Variants in SNTG2 observed in about 807,000 individuals in gnomAD.
The protein encoded by SNTG2 is gamma-2-syntrophin.
SNTG2 carries 74 observed loss-of-function variants against 70.9 expected under a neutral mutation model. The ratio of observed to expected loss-of-function variants is 1.04; its 90% CI spans 0.86 to 1.27. SNTG2 has a LOEUF of 1.27. Among genes scored for constraint, SNTG2 ranks in the 50% most tolerant of loss-of-function variants. SNTG2 has a pLI of 0.00. For missense variants in SNTG2, 717 were observed against 690.7 expected (o/e 1.04, Z -0.43); for synonymous variants, 278 against 273.8 (o/e 1.02, Z -0.15).
rs577577821 is a variant in SNTG2, at chr2:1,045,950, G to C, written c.73-37568G>C. The stretch of plus-strand genomic sequence containing the variant: ...GTTAGTATTCTGCCTCATTGATCTA[G>C]TACTGTCAGTGGGGTGTTGAAATAT... On this transcript the variant is annotated intron_variant, in intron 1 of 16. Coordinates refer to ENST00000308624, the MANE Select transcript of SNTG2 (RefSeq NM_018968.4). 3.3e-5 allele frequency among the ~76,000 whole-genome samples: 5 copies of C among 152,170 alleles called. No homozygotes were observed. The South Asian group carries it at 1.0e-3, about 32-fold the overall frequency.
intron 1 of SNTG2, among the ~76,000 whole-genome samples, chr2:952,185 C>T (rs1378223857): frequency 6.6e-6 from 1 of 152,126 alleles, no homozygotes; most frequent in Non-Finnish European, 1.5e-5. Context: ...ATAGCTATCC[C>T]ACTGTTGCCC....
In SNTG2 at chr2:1,189,108, G is replaced by GT. The variant is rs371009041; in HGVS notation, c.591+15926dup. On this transcript the variant is annotated intron_variant, in intron 8 of 16. Transcript: ENST00000308624. Reference sequence around the variant, plus strand: ...GTGGATATAATGAGAGATCAACAATGTGACAGCATATAAGATAACATAAAA... The same window carrying GT: ...GTGGATATAATGAGAGATCAACAATGTTGACAGCATATAAGATAACATAAAA... Among the ~76,000 whole-genome samples the GT allele has an allele frequency of 2.1e-3, 325 of 152,154 alleles. 2 individuals are homozygous for GT. The highest frequency in any genetic ancestry group is 7.6e-3 in the African/African-American group (317 of 41,534).
chr2:1,145,107 A>G (rs1037792652), intron 6 of SNTG2, among the ~76,000 whole-genome samples: 1 of 152,096 alleles, frequency 6.6e-6, no homozygotes, highest in African/African-American at 2.4e-5. Flanking sequence ...GAAAGCATAT[A>G]TTAGAAGAAA....
At chr2:1,347,529 G>A (rs192014779) in intron 16 of SNTG2, among the ~76,000 whole-genome samples, 1 of 152,188 alleles carries the variant, frequency 6.6e-6, no homozygotes, top group African/African-American at 2.4e-5. Context: ...CTCACTCCCT[G>A]TTCCTCTCTG....
intron 9 of SNTG2, among the ~76,000 whole-genome samples, chr2:1,222,550 A>G: frequency 1.1e-5 from 1 of 90,976 alleles, no homozygotes; most frequent in African/African-American, 4.9e-5. Flanking sequence ...GGATCGCTGT[A>G]GAGGAAAGCG....
In SNTG2 at chr2:1,002,884, TTA is replaced by T. The variant is rs756474389; in HGVS notation, c.72+51832_72+51833del. ...AATGAATGACTAGGTAAAGAAAATG[TTA>T]TATATATATATATATTTATATAGTC... On this transcript the variant is annotated intron_variant, in intron 1 of 16. Coordinates refer to ENST00000308624, the MANE Select transcript of SNTG2 (RefSeq NM_018968.4). Among the ~76,000 whole-genome samples the T allele has an allele frequency of 7.4e-3, 1,103 of 148,914 alleles. 8 individuals are homozygous for T. The highest frequency in any genetic ancestry group is 0.021 in the Middle Eastern group (6 of 284).
At chr2:1,055,448 A>G (rs1158417141) in intron 1 of SNTG2, among the ~76,000 whole-genome samples, 1 of 152,116 alleles carries the variant, frequency 6.6e-6, no homozygotes, top group Non-Finnish European at 1.5e-5. Flanking sequence ...GATGACCCAC[A>G]CAGAAAGAAT....
chr2:1,267,718 C>T (rs926976682), intron 14 of SNTG2, 147 bp downstream of exon 14: 8 of 776,980 alleles, frequency 1.0e-5, no homozygotes, highest in Non-Finnish European at 1.6e-5. Context: ...TGGAAATGAT[C>T]GTTCGCACGG....
At chr2:1,271,335 ATGT>A (rs1244577726) in intron 14 of SNTG2, among the ~76,000 whole-genome samples, 1 of 152,142 alleles carries the variant, frequency 6.6e-6, no homozygotes, top group African/African-American at 2.4e-5. Context: ...TCACATATGC[ATGT>A]TGTTCTGCAA....
chr2:1,362,311 T>G (rs1299314823), intron 16 of SNTG2, among the ~76,000 whole-genome samples: 1 of 151,978 alleles, frequency 6.6e-6, no homozygotes. Flanking sequence ...TCACCGACAC[T>G]GAGCATTTCA....
At chr2:1,079,938 A>G (rs572397622) in intron 1 of SNTG2, among the ~76,000 whole-genome samples, 10 of 152,354 alleles carry the variant, frequency 6.6e-5, no homozygotes, top group African/African-American at 2.4e-4. Flanking sequence ...CGGCTGCACT[A>G]CCTGAGCTTC....
chr2:1,065,964 A>G (rs972714525), intron 1 of SNTG2, among the ~76,000 whole-genome samples: 1 of 152,216 alleles, frequency 6.6e-6, no homozygotes, highest in African/African-American at 2.4e-5. Flanking sequence ...AAAATGCTTT[A>G]TATAGCAGTC....
chr2:1,188,082 CTG>C (rs1436985017), intron 8 of SNTG2, among the ~76,000 whole-genome samples: 1 of 152,216 alleles, frequency 6.6e-6, no homozygotes, highest in African/African-American at 2.4e-5. Flanking sequence ...CCACTGTTGA[CTG>C]TGTCCAGTGT....
intron 6 of SNTG2, among the ~76,000 whole-genome samples, chr2:1,162,292 G>A (rs558139463): frequency 2.6e-5 from 4 of 152,188 alleles, no homozygotes; most frequent in African/African-American, 7.2e-5. Flanking sequence ...GGTGGGCAGG[G>A]AGGTGTCCAC....
intron 1 of SNTG2, among the ~76,000 whole-genome samples, chr2:1,063,021 A>G (rs774202860): frequency 1.3e-5 from 2 of 152,204 alleles, no homozygotes; most frequent in Non-Finnish European, 2.9e-5. Flanking sequence ...TTGATATGAA[A>G]TAACTGTAAA....
At chr2:1,106,348 C>CG (rs200466710) in intron 4 of SNTG2, among the ~76,000 whole-genome samples, 9 of 98,680 alleles carry the variant, frequency 9.1e-5, no homozygotes, top group East Asian at 5.9e-4. Context: ...TGCTGTCACT[C>CG]GGTGCAGGGT....
intron 16 of SNTG2, among the ~76,000 whole-genome samples, chr2:1,333,776 CA>C (rs2148287014): frequency 6.6e-6 from 1 of 152,254 alleles, no homozygotes; most frequent in South Asian, 2.1e-4. Context: ...TCACCTTATA[CA>C]AAAATCAACT....
At chr2:1,055,022 A>G (rs144967405) in intron 1 of SNTG2, among the ~76,000 whole-genome samples, 1 of 151,242 alleles carries the variant, frequency 6.6e-6, no homozygotes, top group Non-Finnish European at 1.5e-5. Context: ...CACCTCCTCT[A>G]TCCAGCCTGC....
At chr2:953,863 A>T (rs897405455) in intron 1 of SNTG2, among the ~76,000 whole-genome samples, 2 of 152,040 alleles carry the variant, frequency 1.3e-5, no homozygotes, top group Non-Finnish European at 2.9e-5. Context: ...GGATATCTTT[A>T]TGGATGATGA....
Sources: gnomAD v4.1 joint callset for allele counts (sites outside exome capture counted in the v4.1 genomes callset) on GRCh38, gnomAD v4.1.1 for gene constraint, MANE v1.5 for transcripts, NCBI Gene and HGNC (gene_info 2026-07-23, HGNC 2026-07-21) for gene names.